STK3: variants seen among roughly 807,000 people sequenced by gnomAD.
STK3 encodes the protein serine/threonine-protein kinase 3.
A neutral mutation model predicts 58.0 loss-of-function variants in STK3; 41 were observed. The ratio of observed to expected loss-of-function variants is 0.71; its 90% CI spans 0.55 to 0.92. The LOEUF (loss-of-function observed/expected upper bound fraction) is 0.92. Among genes scored for constraint, STK3 ranks in the 40% least tolerant of loss-of-function variants. The pLI is 0.00. For missense variants in STK3, 479 were observed against 602.7 expected (o/e 0.79, Z 2.15); for synonymous variants, 170 against 191.0 (o/e 0.89, Z 0.91).
intron 1 of STK3, among the ~76,000 whole-genome samples, chr8:98,806,653 C>T (rs1479216454): frequency 6.6e-6 from 1 of 152,128 alleles, no homozygotes; most frequent in East Asian, 1.9e-4. Context: ...TCAGAGGGAG[C>T]ATGCTACCCC....
intron 2 of STK3, among the ~76,000 whole-genome samples, chr8:98,436,434 A>C (rs530736702): frequency 1.4e-3 from 209 of 152,208 alleles, no homozygotes; most frequent in African/African-American, 4.7e-3. Context: ...ACTTCACTCC[A>C]AACTTGCTCT....
chr8:98,469,469 C>A (rs2131216139), intron 10 of STK3, among the ~76,000 whole-genome samples: 1 of 152,316 alleles, frequency 6.6e-6, no homozygotes, highest in East Asian at 1.9e-4. Context: ...GTTTTATCCT[C>A]CCTTGAGCCA....
chr8:98,671,781 A>T (rs1822849904), intron 6 of STK3, among the ~76,000 whole-genome samples: 1 of 152,130 alleles, frequency 6.6e-6, no homozygotes, highest in Non-Finnish European at 1.5e-5. Context: ...TAACAGTGAT[A>T]TGGTTTGGTT....
At chr8:98,627,762 C>A (rs1393897300) in intron 6 of STK3, among the ~76,000 whole-genome samples, 1 of 152,112 alleles carries the variant, frequency 6.6e-6, no homozygotes, top group Non-Finnish European at 1.5e-5. Flanking sequence ...CTAACACACA[C>A]ACAGCAAAGC....
intron 8 of STK3, among the ~76,000 whole-genome samples, chr8:98,565,730 G>T (rs895295173): frequency 6.6e-6 from 1 of 152,040 alleles, no homozygotes; most frequent in Non-Finnish European, 1.5e-5. Flanking sequence ...TGCATAGAAA[G>T]ACCAATTTTG....
intron 4 of STK3, among the ~76,000 whole-genome samples, chr8:98,742,197 T>A (rs901510379): frequency 2.0e-5 from 3 of 151,528 alleles, no homozygotes; most frequent in Non-Finnish European, 2.9e-5. Flanking sequence ...TTCCAATCAA[T>A]AGAAAAAGAG....
intron 10 of STK3, among the ~76,000 whole-genome samples, chr8:98,463,818 C>A (rs1042151998): frequency 6.6e-6 from 1 of 152,018 alleles, no homozygotes; most frequent in South Asian, 2.1e-4. Context: ...ATAGCAGAAA[C>A]GGGAATATGA....
chr8:98,682,997 T>A (rs1369642260), intron 6 of STK3, among the ~76,000 whole-genome samples: 1 of 152,004 alleles, frequency 6.6e-6, no homozygotes, highest in Non-Finnish European at 1.5e-5. Context: ...ACAGAGTAAG[T>A]CCACACAATT....
chr8:98,344,748 C>T, the STK3 span, among the ~76,000 whole-genome samples: 1 of 151,152 alleles, frequency 6.6e-6, no homozygotes, highest in Non-Finnish European at 1.5e-5. Context: ...AAAAAATTAG[C>T]CGGGCGTAGT....
chr8:98,626,105 C>G (rs1818694364), intron 6 of STK3, among the ~76,000 whole-genome samples: 1 of 152,132 alleles, frequency 6.6e-6, no homozygotes, highest in Non-Finnish European at 1.5e-5. Flanking sequence ...AAGGCAGCAG[C>G]AGGAGTGAAC....
At chr8:98,579,540 G>C in intron 8 of STK3, 124 bp downstream of exon 8, 1 of 1,193,478 alleles carries the variant, frequency 8.4e-7, no homozygotes, top group Non-Finnish European at 1.2e-6. Flanking sequence ...TATATTTTGA[G>C]ATTCAATGAA....
chr8:98,584,567 ATG>A (rs1814301272), intron 7 of STK3, among the ~76,000 whole-genome samples: 1 of 150,818 alleles, frequency 6.6e-6, no homozygotes, highest in Admixed American at 6.6e-5. Context: ...ATACGTGTGC[ATG>A]TGTCTTTATA....
In STK3 at chr8:98,579,666, A is replaced by T. The variant is rs767110089; in HGVS notation, c.946T>A (p.Ser316Thr). 1.2e-6 allele frequency: 2 copies of T among 1,602,994 alleles called. No individual in the cohort carries two copies. The highest frequency in any genetic ancestry group is 1.7e-6 in the Non-Finnish European group (2 of 1,177,480). Residue 316 changes from serine (S) to threonine (T), a missense_variant and splice_region_variant, in exon 8 of 11, where the codon TCG becomes ACG. By Grantham distance (58) the Ser-to-Thr change is moderately conservative. This residue lies in a region of STK3 where 309 missense variants were observed against 355.7 expected (regional missense o/e 0.87). Transcript: ENST00000419617. ...QRELEEEEENSDEDELDSHTM... is the reference protein window; with the variant it reads ...QRELEEEEENTDEDELDSHTM... ...ACTTTTTGAAGATAATTACAAACCGAATTTTCTTCTTCCTCTTCCAATTCT... is the reference window on the plus strand; with the variant it reads ...ACTTTTTGAAGATAATTACAAACCGTATTTTCTTCTTCCTCTTCCAATTCT...
At chr8:98,429,457 T>A in intron 3 of STK3, 1 of 1,411,730 alleles carries the variant, frequency 7.1e-7, no homozygotes, top group Non-Finnish European at 9.9e-7. Context: ...CTGAGCTGCC[T>A]CTTGTGCCTC....
chr8:98,765,684 A>C (rs1830901082), intron 3 of STK3, among the ~76,000 whole-genome samples: 1 of 152,236 alleles, frequency 6.6e-6, no homozygotes, highest in Non-Finnish European at 1.5e-5. Context: ...TAGCCATGAG[A>C]TAATAAGCAT....
chr8:98,415,549 C>T (rs1400657683), intron 3 of STK3, among the ~76,000 whole-genome samples: 1 of 152,202 alleles, frequency 6.6e-6, no homozygotes, highest in African/African-American at 2.4e-5. Context: ...GCTTCCCACT[C>T]ATGGATGTGC....
At chr8:98,377,511 T>C (rs1158795961) in intron 2 of STK3, among the ~76,000 whole-genome samples, 2 of 151,658 alleles carry the variant, frequency 1.3e-5, no homozygotes, top group Non-Finnish European at 2.9e-5. Flanking sequence ...ATAGTAAATG[T>C]CTAATTAAAG....
intron 6 of STK3, among the ~76,000 whole-genome samples, chr8:98,617,891 G>A (rs1817900323): frequency 1.3e-5 from 2 of 151,952 alleles, no homozygotes; most frequent in African/African-American, 4.8e-5. Flanking sequence ...GGTACAAGGA[G>A]GAACTAGTAC....
Position 98,706,651 on chromosome 8 carries a change from T to C in STK3, c.517-17A>G, listed in dbSNP as rs1196628208. 3.2e-6 allele frequency: 5 copies of C among 1,555,598 alleles called. No individual in the cohort carries two copies. Among genetic ancestry groups the C allele is most frequent in the Middle Eastern group, 3.4e-4 (2 of 5,872 alleles). On this transcript the variant is annotated splice_polypyrimidine_tract_variant and intron_variant, in intron 5 of 10. Transcript: ENST00000419617. Reference sequence around the variant, plus strand: ...CATTGTATCCTGCAATAATGTTACATAGCCATAAATGCTACTACAAAAGCA... The same window carrying C: ...CATTGTATCCTGCAATAATGTTACACAGCCATAAATGCTACTACAAAAGCA...
Sources: allele counts gnomAD v4.1 joint callset (sites outside exome capture counted in the v4.1 genomes callset), GRCh38; gene constraint gnomAD v4.1.1; regional missense constraint gnomAD v4.1.1; transcripts MANE v1.5; gene names NCBI Gene and HGNC (gene_info 2026-07-23, HGNC 2026-07-21).